TMEM61: variants seen among roughly 807,000 people sequenced by gnomAD.
The protein encoded by TMEM61 is transmembrane protein 61.
In TMEM61, 13 loss-of-function variants were observed where a neutral mutation model predicts 12.0. The observed-to-expected ratio is 1.08, with a 90% CI of 0.70 to 1.72. TMEM61 has a LOEUF of 1.72. Among genes scored for constraint, TMEM61 ranks in the 40% most tolerant of loss-of-function variants. The pLI, the probability that TMEM61 is intolerant of heterozygous loss-of-function variation, is 0.00. For missense variants in TMEM61, 249 were observed against 276.9 expected (o/e 0.90, Z 0.71); for synonymous variants, 109 against 121.4 (o/e 0.90, Z 0.67).
chr1:54,991,239 C>T (rs987793378), intron 2 of TMEM61, among the ~76,000 whole-genome samples: 1 of 152,160 alleles, frequency 6.6e-6, no homozygotes, highest in Non-Finnish European at 1.5e-5. Flanking sequence ...GGGTGGGGAC[C>T]AGAAAAGAGT....
rs896240870 is a variant in TMEM61 at position 54,985,057 on chromosome 1, G to A, written c.16-1040G>A. 2.0e-5 allele frequency among the ~76,000 whole-genome samples: 3 copies of A among 152,094 alleles called. No individual in the cohort carries two copies. The East Asian group carries it at 5.8e-4, about 29-fold the overall frequency. ...GATGTGATAAATGTTTCCTCCTCTT[G>A]TTAAACCTTTGTGCTGAGCTTGATT... On this transcript the variant is annotated intron_variant, in intron 1 of 2. Coordinates refer to ENST00000371268, the MANE Select transcript of TMEM61 (RefSeq NM_182532.3).
chr1:54,986,088 T>C lies in TMEM61; in HGVS notation c.16-9T>C. 6.4e-7 allele frequency: 1 copy of C among 1,566,828 alleles called. No individual in the cohort carries two copies. The highest frequency in any genetic ancestry group is 8.7e-7 in the Non-Finnish European group (1 of 1,151,580). ...CCATTTCCTCTTCTCCCTCCTTCTC[T>C]GTGTCCAGATGTGTGACGGGAGCCA... is the stretch of plus-strand genomic sequence containing the variant. On this transcript the variant is annotated splice_polypyrimidine_tract_variant and intron_variant, in intron 1 of 2. Transcript: ENST00000371268.
intron 1 of TMEM61, 122 bp downstream of exon 1, chr1:54,981,202 G>A (rs1287653009): frequency 6.2e-6 from 7 of 1,134,772 alleles, no homozygotes; most frequent in Admixed American, 2.7e-5. Flanking sequence ...GGACACCCGG[G>A]GCTCTGCCTG....
At chr1:54,983,109 G>GTTTTTGTTT (rs1644234110) in intron 1 of TMEM61, among the ~76,000 whole-genome samples, 1 of 109,522 alleles carries the variant, frequency 9.1e-6, no homozygotes, top group Non-Finnish European at 1.8e-5. Flanking sequence ...GTTTTGCTTT[G>GTTTTTGTTT]TTTTTTTTTT....
At chr1:54,981,185 G>T in intron 1 of TMEM61, 105 bp downstream of exon 1, 1 of 1,334,898 alleles carries the variant, frequency 7.5e-7, no homozygotes. Flanking sequence ...GGCTTGGTGG[G>T]CAGTGTGGAC....
In TMEM61 at chr1:54,986,425, C is replaced by A; in HGVS notation, c.344C>A (p.Ser115Tyr). ...SRDLYYLTVE[S>Y]SEKESCRTPK... Reference sequence around the variant, plus strand: ...GACCTGTACTACCTCACTGTGGAGTCCTCAGAGAAGGAGAGCTGCAGGTCA... The same window carrying A: ...GACCTGTACTACCTCACTGTGGAGTACTCAGAGAAGGAGAGCTGCAGGTCA... Residue 115 changes from serine (S) to tyrosine (Y), a missense_variant, in exon 2 of 3, where the codon TCC (serine) becomes TAC (tyrosine). Physicochemically the swap from Ser to Tyr is moderately radical, Grantham distance 144. Coordinates refer to ENST00000371268, the MANE Select transcript of TMEM61 (RefSeq NM_182532.3). The A allele has an allele frequency of 1.3e-6, 2 of 1,571,734 alleles. No individual in the cohort carries two copies. The highest frequency in any genetic ancestry group is 2.3e-5 in the South Asian group (2 of 85,546).
rs1256848221 is a variant in TMEM61 at position 54,991,961 on chromosome 1, C to CCCTGCT, written c.493_498dup (p.Leu165_Leu166dup). ...CTGGAGCCAAGTGGATCGAGGGATGCCCTGCTCAGCACCCAGCCCGCCTGG... is the reference window on the plus strand; with the variant it reads ...CTGGAGCCAAGTGGATCGAGGGATGCCCTGCTCCTGCTCAGCACCCAGCCCGCCTGG... On this transcript the variant is annotated inframe_insertion, in exon 3 of 3. Coordinates refer to ENST00000371268, the MANE Select transcript of TMEM61 (RefSeq NM_182532.3). 1.2e-6 allele frequency: 2 copies of CCCTGCT among 1,614,096 alleles called. No homozygotes were observed. Among genetic ancestry groups the CCCTGCT allele is most frequent in the African/African-American group, 2.7e-5 (2 of 74,948 alleles).
chr1:54,983,114 T>TTTTTTG (rs1286588889), intron 1 of TMEM61, among the ~76,000 whole-genome samples: 1 of 128,166 alleles, frequency 7.8e-6, no homozygotes, highest in Non-Finnish European at 1.8e-5. Flanking sequence ...GCTTTGTTTT[T>TTTTTTG]TTTTTTTGTT....
chr1:54,992,123 A>C lies in TMEM61; in HGVS notation c.*20A>C, dbSNP rs1447960516. The C allele has an allele frequency of 6.2e-7, 1 of 1,603,532 alleles. No homozygotes were observed. Among genetic ancestry groups the C allele is most frequent in the African/African-American group, 1.3e-5 (1 of 74,932 alleles). On this transcript the variant is annotated 3_prime_UTR_variant, in exon 3 of 3. Coordinates refer to ENST00000371268, the MANE Select transcript of TMEM61 (RefSeq NM_182532.3). The stretch of plus-strand genomic sequence containing the variant: ...AGTTAAAGGCTCCTAGCAGGTCCTG[A>C]ATCCAGAGACAAAAATGCCGTGCCT...
At chr1:54,986,657 G>A (rs1048570503) in intron 2 of TMEM61, among the ~76,000 whole-genome samples, 5 of 151,802 alleles carry the variant, frequency 3.3e-5, no homozygotes, top group Admixed American at 6.6e-5. Context: ...ATGACAAACC[G>A]GAGTAGGTAG....
chr1:54,980,991 G>C lies in TMEM61; in HGVS notation c.-75G>C, dbSNP rs2253467. 1,123,789 of 1,481,980 alleles carry C rather than the reference G, an allele frequency of 0.76. 433,070 individuals carry two copies. The highest frequency in any genetic ancestry group is 0.8 in the Non-Finnish European group (878,719 of 1,105,200). 91.8% of individuals were successfully genotyped at this position (1,481,980 alleles called of 1,614,324 possible). On this transcript the variant is annotated 5_prime_UTR_variant, in exon 1 of 3. Coordinates refer to ENST00000371268, the MANE Select transcript of TMEM61 (RefSeq NM_182532.3). ...CCGCTGGTAGGGTCGCTCAGCCCTG[G>C]CGTCCTCCACCACCACACCTTCACC... is the stretch of plus-strand genomic sequence containing the variant.
At chr1:54,982,283 G>T (rs887524425) in intron 1 of TMEM61, among the ~76,000 whole-genome samples, 1 of 152,184 alleles carries the variant, frequency 6.6e-6, no homozygotes, top group African/African-American at 2.4e-5. Flanking sequence ...CTGGGAAGGG[G>T]TGCAATGAGA....
chr1:54,984,045 C>T (rs768945675), intron 1 of TMEM61, among the ~76,000 whole-genome samples: 5 of 152,056 alleles, frequency 3.3e-5, no homozygotes, highest in Non-Finnish European at 4.4e-5. Context: ...CTCTCTCTCT[C>T]ACACACACAT....
rs1379687231 is a variant in TMEM61, at chr1:54,980,822, G to A, written c.-244G>A. 2 of 392,252 alleles carry A rather than the reference G, an allele frequency of 5.1e-6. No homozygotes were observed. The highest frequency in any genetic ancestry group is 9.0e-6 in the Non-Finnish European group (2 of 222,868). The allele number at this position is 392,252 out of a possible 1,614,324, so 24.3% of individuals were successfully genotyped here. ...GGCTCGGTCCCTGCGCACCGGGTGCGGGCGGCGGAGAGGGCGCGGCTGGTG... is the reference window on the plus strand; with the variant it reads ...GGCTCGGTCCCTGCGCACCGGGTGCAGGCGGCGGAGAGGGCGCGGCTGGTG... On this transcript the variant is annotated 5_prime_UTR_variant, in exon 1 of 3. Transcript: ENST00000371268.
Position 54,991,925 on chromosome 1 carries a change from C to T in TMEM61, c.455C>T (p.Thr152Met), listed in dbSNP as rs181018102. 46 of 1,614,162 alleles carry T rather than the reference C, an allele frequency of 2.8e-5. No homozygotes were observed. In the East Asian group the frequency reaches 3.6e-4, roughly 13 times the overall value. Residue 152 changes from threonine to methionine, a missense_variant, in exon 3 of 3, where the codon ACG (threonine) becomes ATG (methionine). Physicochemically the swap from Thr to Met is moderately conservative, Grantham distance 81. Coordinates refer to ENST00000371268, the MANE Select transcript of TMEM61 (RefSeq NM_182532.3). ...EGPPTPPAYPTEEALEPSGSR... is the reference protein window; with the variant it reads ...EGPPTPPAYPMEEALEPSGSR... ...CCCCCAACACCACCTGCATACCCTA[C>T]GGAGGAAGCCCTGGAGCCAAGTGGA...
At chr1:54,991,640 T>TG (rs768279651) in intron 2 of TMEM61, among the ~76,000 whole-genome samples, 196 bp from the exon 3 acceptor site, 1 of 151,840 alleles carries the variant, frequency 6.6e-6, no homozygotes, top group African/African-American at 2.4e-5. Context: ...GCGCAGGGAG[T>TG]GGGTGGCGGG....
At chr1:54,990,352 T>C (rs1041769729) in intron 2 of TMEM61, among the ~76,000 whole-genome samples, 1 of 152,106 alleles carries the variant, frequency 6.6e-6, no homozygotes, top group African/African-American at 2.4e-5. Flanking sequence ...TGGTCTGTGA[T>C]TGGGAGCAGT....
Position 54,981,050 on chromosome 1 carries a change from T to A in TMEM61, c.-16T>A, listed in dbSNP as rs775206902. The A allele has an allele frequency of 1.3e-6, 2 of 1,576,016 alleles. No individual in the cohort carries two copies. The highest frequency in any genetic ancestry group is 1.7e-4 in the Middle Eastern group (1 of 6,010). On this transcript the variant is annotated 5_prime_UTR_variant, in exon 1 of 3. Transcript: ENST00000371268. ...GCTCCCTGCGCGCCTGGACAGCGCC[T>A]GCTGCCCGCCTCCCGATGGCCCTGC...
intron 2 of TMEM61, among the ~76,000 whole-genome samples, chr1:54,991,237 AC>A (rs2101638854): frequency 6.6e-6 from 1 of 152,308 alleles, no homozygotes; most frequent in South Asian, 2.1e-4. Context: ...AGGGGTGGGG[AC>A]CAGAAAAGAG....
Sources: allele counts gnomAD v4.1 joint callset (sites outside exome capture counted in the v4.1 genomes callset), GRCh38; gene constraint gnomAD v4.1.1; transcripts MANE v1.5; gene names NCBI Gene and HGNC (gene_info 2026-07-23, HGNC 2026-07-21).